RCAN2: variants seen among roughly 807,000 people sequenced by gnomAD.
RCAN2 encodes the protein regulator of calcineurin 2.
RCAN2 carries 9 observed loss-of-function variants against 23.6 expected under a neutral mutation model. The observed-to-expected ratio is 0.38, with a 90% CI of 0.23 to 0.67. The LOEUF (loss-of-function observed/expected upper bound fraction) is 0.67, where lower values mean the gene tolerates loss of function less well. Ranked by LOEUF, RCAN2 falls within the 30% of genes least tolerant of loss-of-function variation. The probability of loss-of-function intolerance (pLI) is 0.51; values close to 1 mark genes in which losing one functional copy is unlikely to be tolerated. For synonymous variants in RCAN2, 109 were observed against 115.7 expected, an observed-to-expected ratio of 0.94 and a Z score of 0.37; for missense variants, 273 against 302.3, an observed-to-expected ratio of 0.90 and a Z score of 0.72.
At chr6:46,325,408 G>A (rs899383297) in intron 2 of RCAN2, 1 of 1,614,152 alleles carries the variant, frequency 6.2e-7, no homozygotes, top group Non-Finnish European at 8.5e-7. Flanking sequence ...CCTCCTGATT[G>A]GTAAAGACCT....
chr6:46,396,372 G>A (rs1217589054), intron 2 of RCAN2, among the ~76,000 whole-genome samples: 2 of 152,150 alleles, frequency 1.3e-5, no homozygotes, highest in Non-Finnish European at 2.9e-5. Flanking sequence ...ACTTAGCTGC[G>A]AGAATACCAC....
At chr6:46,369,593 C>T (rs1337300109) in intron 2 of RCAN2, among the ~76,000 whole-genome samples, 2 of 152,084 alleles carry the variant, frequency 1.3e-5, no homozygotes, top group East Asian at 3.9e-4. Flanking sequence ...TGTGGTCCAT[C>T]AATGACTAAA....
intron 2 of RCAN2, among the ~76,000 whole-genome samples, chr6:46,344,243 C>T (rs944008941): frequency 6.6e-6 from 1 of 152,010 alleles, no homozygotes; most frequent in Non-Finnish European, 1.5e-5. Context: ...AATGTCAAGA[C>T]AAAATGAAAA....
At chr6:46,359,463 T>C (rs1347467773) in intron 2 of RCAN2, among the ~76,000 whole-genome samples, 2 of 152,216 alleles carry the variant, frequency 1.3e-5, no homozygotes, top group Non-Finnish European at 2.9e-5. Flanking sequence ...TCAGTCAAAT[T>C]GTAGGAAAGC....
intron 2 of RCAN2, among the ~76,000 whole-genome samples, chr6:46,364,944 C>A (rs952638971): frequency 2.0e-5 from 3 of 152,126 alleles, no homozygotes; most frequent in African/African-American, 4.8e-5. Context: ...ACCTGGAATG[C>A]TCTTTCTCCA....
intron 2 of RCAN2, among the ~76,000 whole-genome samples, chr6:46,455,939 C>T (rs1768013224): frequency 6.6e-6 from 1 of 150,464 alleles, no homozygotes; most frequent in Non-Finnish European, 1.5e-5. Flanking sequence ...GTCCATGTTT[C>T]AGTAGTATAA....
intron 1 of RCAN2, among the ~76,000 whole-genome samples, chr6:46,473,671 A>C (rs1561920277): frequency 1.3e-5 from 2 of 152,098 alleles, no homozygotes; most frequent in East Asian, 3.9e-4. Context: ...CTAACTTGGG[A>C]TTTTTTTAAC....
chr6:46,292,041 C>A (rs890885195), intron 2 of RCAN2, among the ~76,000 whole-genome samples: 1 of 152,136 alleles, frequency 6.6e-6, no homozygotes, highest in African/African-American at 2.4e-5. Flanking sequence ...GAATTAAAAG[C>A]CTTAAAATGC....
intron 2 of RCAN2, among the ~76,000 whole-genome samples, chr6:46,265,297 ATG>A (rs1767284142): frequency 6.6e-6 from 1 of 152,034 alleles, no homozygotes; most frequent in Non-Finnish European, 1.5e-5. Context: ...GTGTGTGTAT[ATG>A]TGTGTGTGTT....
At chr6:46,428,725 T>A (rs1319247295) in intron 2 of RCAN2, among the ~76,000 whole-genome samples, 1 of 152,204 alleles carries the variant, frequency 6.6e-6, no homozygotes, top group Non-Finnish European at 1.5e-5. Context: ...GTCCCAGAAC[T>A]CTCAGAACTT....
chr6:46,299,118 A>G (rs1270660345), intron 2 of RCAN2, among the ~76,000 whole-genome samples: 1 of 151,970 alleles, frequency 6.6e-6, no homozygotes, highest in Non-Finnish European at 1.5e-5. Context: ...GAAGAATAGG[A>G]GGGGGTTAGA....
intron 2 of RCAN2, among the ~76,000 whole-genome samples, chr6:46,298,906 C>A (rs1327490000): frequency 2.3e-4 from 35 of 151,940 alleles, no homozygotes; most frequent in Admixed American, 2.3e-3. Flanking sequence ...CTTTATATAC[C>A]CCATGGAATA....
chr6:46,263,521 A>ATGTGTGTGTGTGTGTGTG (rs1166873309), intron 2 of RCAN2, among the ~76,000 whole-genome samples: 2 of 105,024 alleles, frequency 1.9e-5, no homozygotes, highest in Admixed American at 9.2e-5. Context: ...GTATGTGTGT[A>ATGTGTGTGTGTGTGTGTG]TGTGTGTGTG....
intron 4 of RCAN2, among the ~76,000 whole-genome samples, chr6:46,242,873 G>C (rs1037873599): frequency 6.6e-6 from 1 of 152,172 alleles, no homozygotes; most frequent in Admixed American, 6.5e-5. Context: ...CTATTCCTTC[G>C]TTCATTCACA....
intron 2 of RCAN2, among the ~76,000 whole-genome samples, chr6:46,438,980 A>G (rs1283646281): frequency 6.6e-6 from 1 of 152,214 alleles, no homozygotes; most frequent in Non-Finnish European, 1.5e-5. Context: ...ATCTTAGAAT[A>G]TCTTAGGATA....
At chr6:46,248,658 A>G in intron 3 of RCAN2, 65 bp downstream of exon 3, 1 of 1,314,558 alleles carries the variant, frequency 7.6e-7, no homozygotes, top group Non-Finnish European at 1.0e-6. Flanking sequence ...GGCTTCATTT[A>G]CATTTTAAAA....
Position 46,452,489 on chromosome 6 carries a change from C to T in RCAN2, c.225+4263G>A, listed in dbSNP as rs77800701. 1.6e-4 allele frequency among the ~76,000 whole-genome samples: 24 copies of T among 152,348 alleles called. No individual in the cohort carries two copies. In the East Asian group the frequency reaches 3.9e-3, roughly 24 times the overall value. The stretch of plus-strand genomic sequence containing the variant: ...ACCCAAACTGCCTAAGCCAGCACTA[C>T]TTGGCACAATGCCAGTTTCCCTAAC... On this transcript the variant is annotated intron_variant, in intron 2 of 4. Transcript: ENST00000371374.
chr6:46,338,289 C>T (rs189599292), intron 2 of RCAN2, among the ~76,000 whole-genome samples: 47 of 152,298 alleles, frequency 3.1e-4, no homozygotes, highest in Non-Finnish European at 5.9e-4. Flanking sequence ...GATACCACCA[C>T]TGGAACCCTC....
At chr6:46,444,468 C>T (rs1767643022) in intron 2 of RCAN2, among the ~76,000 whole-genome samples, 1 of 152,144 alleles carries the variant, frequency 6.6e-6, no homozygotes, top group Admixed American at 6.5e-5. Flanking sequence ...ATGAGCCCCC[C>T]ACAGCTCTAG....
Sources: gnomAD v4.1 joint callset for allele counts (sites outside exome capture counted in the v4.1 genomes callset) on GRCh38, gnomAD v4.1.1 for gene constraint, MANE v1.5 for transcripts, NCBI Gene and HGNC (gene_info 2026-07-23, HGNC 2026-07-21) for gene names.